The following PPFIBP2 variants were observed in gnomAD, a reference collection of about 807,000 sequenced individuals.
The protein encoded by PPFIBP2 is liprin-beta-2.
Under a neutral mutation model 118.3 loss-of-function variants are expected in PPFIBP2, and 118 were observed. The ratio of observed to expected loss-of-function variants is 1.00; its 90% CI spans 0.86 to 1.16. The LOEUF is 1.16. PPFIBP2 is among the 50% of genes most tolerant of loss of function. The pLI is 0.00. For missense variants in PPFIBP2, 1,195 were observed against 1,073.1 expected (o/e 1.11, Z -1.59); for synonymous variants, 414 against 397.4 (o/e 1.04, Z -0.50).
chr11:7,541,981 T>C (rs920776987), intron 1 of PPFIBP2, among the ~76,000 whole-genome samples: 23 of 152,222 alleles, frequency 1.5e-4, no homozygotes, highest in Non-Finnish European at 2.9e-5. Flanking sequence ...TCTAATTCAT[T>C]ACGGTCTGAG....
chr11:7,598,514 T>C (rs1860816814), intron 5 of PPFIBP2: 2 of 156,176 alleles, frequency 1.3e-5, no homozygotes, highest in South Asian at 3.7e-4. Context: ...ATGAAATGTA[T>C]TAATATATCT....
chr11:7,571,481 T>A (rs1409854641), intron 3 of PPFIBP2, among the ~76,000 whole-genome samples: 1 of 152,228 alleles, frequency 6.6e-6, no homozygotes, highest in Non-Finnish European at 1.5e-5. Context: ...CTTGAATTTT[T>A]TTACCATGGG....
intron 9 of PPFIBP2, among the ~76,000 whole-genome samples, chr11:7,629,229 G>C (rs1030618946): frequency 6.6e-6 from 1 of 152,192 alleles, no homozygotes; most frequent in Non-Finnish European, 1.5e-5. Flanking sequence ...GCCCTGTGAA[G>C]GGTGTCTCAG....
chr11:7,654,354 C>G (rs1157837161), downstream of PPFIBP2, among the ~76,000 whole-genome samples: 4 of 152,186 alleles, frequency 2.6e-5, no homozygotes, highest in African/African-American at 9.7e-5. Flanking sequence ...TCAGAAGACT[C>G]TAGTTTGCCC....
At chr11:7,528,351 A>G (rs1401956504) in intron 1 of PPFIBP2, among the ~76,000 whole-genome samples, 2 of 152,190 alleles carry the variant, frequency 1.3e-5, no homozygotes, top group African/African-American at 4.8e-5. Context: ...TCACATTACA[A>G]TAGAAACTGT....
At chr11:7,617,415 T>A (rs887882721) in intron 6 of PPFIBP2, 1 of 573,184 alleles carries the variant, frequency 1.7e-6, no homozygotes, top group African/African-American at 2.0e-5. Flanking sequence ...TGTTGTTACC[T>A]CTGGGCAGAG....
At chr11:7,594,938 GAAAA>G (rs1334814027) in intron 4 of PPFIBP2, among the ~76,000 whole-genome samples, 2 of 129,462 alleles carry the variant, frequency 1.5e-5, no homozygotes. Flanking sequence ...AAAAAAAAAA[GAAAA>G]AGGAGAGTGT....
At chr11:7,549,417 T>C in intron 1 of PPFIBP2, 23 bp from the exon 2 acceptor site, 1 of 1,546,326 alleles carries the variant, frequency 6.5e-7, no homozygotes, top group Non-Finnish European at 8.8e-7. Flanking sequence ...AATTTTTCCT[T>C]TGTTCTGTAT....
chr11:7,577,690 G>A (rs1409186396), intron 3 of PPFIBP2: 3 of 452,320 alleles, frequency 6.6e-6, no homozygotes, highest in East Asian at 7.2e-5. Context: ...GTGAGGGGGA[G>A]ACGCTTTGGG....
chr11:7,571,288 T>A (rs1463980031), intron 3 of PPFIBP2, among the ~76,000 whole-genome samples: 1 of 152,196 alleles, frequency 6.6e-6, no homozygotes, highest in East Asian at 1.9e-4. Flanking sequence ...AACCACCTTG[T>A]CACAGATGGC....
At chr11:7,542,167 T>C (rs1851857870) in intron 1 of PPFIBP2, among the ~76,000 whole-genome samples, 2 of 152,158 alleles carry the variant, frequency 1.3e-5, no homozygotes, top group Admixed American at 6.5e-5. Context: ...GGAGGAAAAA[T>C]GGTGTGCATC....
intron 3 of PPFIBP2, among the ~76,000 whole-genome samples, chr11:7,580,005 G>GC (rs1432549786): frequency 4.0e-5 from 6 of 151,382 alleles, no homozygotes; most frequent in Non-Finnish European, 7.4e-5. Flanking sequence ...CCAGTGATGA[G>GC]CCCCCCTGGA....
At chr11:7,533,373 A>G (rs1430015342) in intron 1 of PPFIBP2, among the ~76,000 whole-genome samples, 1 of 152,194 alleles carries the variant, frequency 6.6e-6, no homozygotes, top group Non-Finnish European at 1.5e-5. Flanking sequence ...CCACTCAGGT[A>G]CACAAACACT....
At chr11:7,597,739 T>G in intron 5 of PPFIBP2, 66 bp downstream of exon 5, 1 of 1,295,680 alleles carries the variant, frequency 7.7e-7, no homozygotes, top group East Asian at 2.4e-5. Context: ...CCCCTTTGTG[T>G]GCCCAGGCTA....
intron 6 of PPFIBP2, among the ~76,000 whole-genome samples, chr11:7,613,396 A>G (rs945487410): frequency 3.9e-5 from 6 of 152,186 alleles, no homozygotes; most frequent in Non-Finnish European, 7.3e-5. Context: ...AGACCTAGGG[A>G]CTTGCAGGCG....
intron 7 of PPFIBP2, among the ~76,000 whole-genome samples, chr11:7,623,424 A>G (rs1469423831): frequency 6.6e-6 from 1 of 152,228 alleles, no homozygotes; most frequent in East Asian, 1.9e-4. Context: ...ACAGTCAAGT[A>G]GAAGGTCTCT....
intron 3 of PPFIBP2, chr11:7,577,342 T>TGTGTGTGTGC: frequency 3.1e-6 from 1 of 323,056 alleles, no homozygotes; most frequent in African/African-American, 2.3e-5. Context: ...TGTGTGTGTG[T>TGTGTGTGTGC]GTGTGTGTGT....
At chr11:7,523,203 A>G (rs1162886639) in intron 1 of PPFIBP2, among the ~76,000 whole-genome samples, 1 of 151,958 alleles carries the variant, frequency 6.6e-6, no homozygotes, top group Admixed American at 6.6e-5. Context: ...GAGTTCTTCA[A>G]TCCTCCTCAC....
the PPFIBP2 span, chr11:7,666,591 T>C: frequency 7.0e-7 from 1 of 1,438,110 alleles, no homozygotes; most frequent in Admixed American, 1.7e-5. Context: ...TCCAGGGCCA[T>C]CCTCTTGTTC....
Sources: gnomAD v4.1 joint callset for allele counts (sites outside exome capture counted in the v4.1 genomes callset) on GRCh38, gnomAD v4.1.1 for gene constraint, MANE v1.5 for transcripts, NCBI Gene and HGNC (gene_info 2026-07-23, HGNC 2026-07-21) for gene names.